AFG2A: variants seen among roughly 807,000 people sequenced by gnomAD.
AFG2A encodes ATPase family gene 2 protein homolog A.
the AFG2A span, among the ~76,000 whole-genome samples, chr4:123,119,813 A>C: frequency 6.6e-6 from 1 of 152,174 alleles, no homozygotes; most frequent in Non-Finnish European, 1.5e-5. Context: ...GTAATTTATA[A>C]AGGAAAGAGG....
the AFG2A span, among the ~76,000 whole-genome samples, chr4:123,042,133 C>T: frequency 6.6e-6 from 1 of 152,176 alleles, no homozygotes; most frequent in Non-Finnish European, 1.5e-5. Flanking sequence ...TTTGAAGCAG[C>T]ATTGTGAAGG....
chr4:123,091,100 C>T, the AFG2A span, among the ~76,000 whole-genome samples: 1 of 152,216 alleles, frequency 6.6e-6, no homozygotes, highest in South Asian at 2.1e-4. Flanking sequence ...GTATGTGAGA[C>T]TCACTGGGCT....
At chr4:123,239,747 G>A in the AFG2A span, among the ~76,000 whole-genome samples, 4 of 152,130 alleles carry the variant, frequency 2.6e-5, no homozygotes, top group African/African-American at 7.2e-5. Flanking sequence ...AAAGACCATC[G>A]ATGCTTTGAA....
chr4:123,161,287 GAACCTA>G, the AFG2A span, among the ~76,000 whole-genome samples: 1 of 152,078 alleles, frequency 6.6e-6, no homozygotes, highest in Admixed American at 6.6e-5. Flanking sequence ...CTCAAAATTA[GAACCTA>G]ATAGGAAGCT....
chr4:123,043,124 T>G, the AFG2A span, among the ~76,000 whole-genome samples: 1 of 152,190 alleles, frequency 6.6e-6, no homozygotes, highest in African/African-American at 2.4e-5. Flanking sequence ...GTCCTCACCT[T>G]TCATTTTTAA....
chr4:123,248,162 A>C, the AFG2A span, among the ~76,000 whole-genome samples: 1 of 152,230 alleles, frequency 6.6e-6, no homozygotes, highest in East Asian at 1.9e-4. Flanking sequence ...ATTTTATATA[A>C]AATCTGTTTT....
the AFG2A span, among the ~76,000 whole-genome samples, chr4:123,233,817 T>G: frequency 5.9e-5 from 9 of 152,100 alleles, no homozygotes; most frequent in East Asian, 1.5e-3. Context: ...GAAAATACTT[T>G]CCAAGACTTT....
the AFG2A span, among the ~76,000 whole-genome samples, chr4:123,147,369 C>T: frequency 3.9e-5 from 6 of 152,070 alleles, no homozygotes; most frequent in East Asian, 9.7e-4. Context: ...ACAGGTATTA[C>T]GTTTGAGAGA....
chr4:123,059,219 T>A, the AFG2A span, among the ~76,000 whole-genome samples: 1 of 151,292 alleles, frequency 6.6e-6, no homozygotes, highest in East Asian at 1.9e-4. Context: ...TAGTTACATA[T>A]GTATACATAT....
At chr4:123,016,326 G>A in the AFG2A span, among the ~76,000 whole-genome samples, 2 of 150,846 alleles carry the variant, frequency 1.3e-5, no homozygotes, top group Non-Finnish European at 3.0e-5. Context: ...CTTCCTAGAC[G>A]GGGTGGCTGC....
chr4:123,028,893 T>C, the AFG2A span, among the ~76,000 whole-genome samples: 30 of 152,330 alleles, frequency 2.0e-4, no homozygotes, highest in Middle Eastern at 6.8e-3. Context: ...GTTCATTGCT[T>C]CGCCCCGATT....
chr4:122,944,823 G>A, the AFG2A span, among the ~76,000 whole-genome samples: 1 of 152,178 alleles, frequency 6.6e-6, no homozygotes, highest in Middle Eastern at 3.4e-3. Context: ...TGGTGTGGAT[G>A]TCCTTTCTGT....
chr4:123,295,519 C>G, the AFG2A span, among the ~76,000 whole-genome samples: 1 of 152,238 alleles, frequency 6.6e-6, no homozygotes, highest in African/African-American at 2.4e-5. Flanking sequence ...AGAAATAGCT[C>G]TCTATATAGC....
the AFG2A span, among the ~76,000 whole-genome samples, chr4:123,209,273 A>G: frequency 6.6e-6 from 1 of 152,150 alleles, no homozygotes; most frequent in Non-Finnish European, 1.5e-5. Context: ...CTAGGTAGAC[A>G]GTTTCAGAAC....
At chr4:123,164,265 A>G in the AFG2A span, among the ~76,000 whole-genome samples, 1 of 152,102 alleles carries the variant, frequency 6.6e-6, no homozygotes, top group Non-Finnish European at 1.5e-5. Flanking sequence ...CTTACTTTGT[A>G]TTTTGAGTTA....
chr4:123,074,592 A>G, the AFG2A span, among the ~76,000 whole-genome samples: 21,863 of 151,998 alleles, frequency 0.14, 2,023 homozygotes, highest in East Asian at 0.45. Context: ...TTTTAGGTTT[A>G]GGATTTCCCT....
At chr4:123,032,190 G>A in the AFG2A span, among the ~76,000 whole-genome samples, 1 of 151,914 alleles carries the variant, frequency 6.6e-6, no homozygotes, top group Admixed American at 6.6e-5. Context: ...TGACTTTTTG[G>A]GAAATTTTCT....
the AFG2A span, among the ~76,000 whole-genome samples, chr4:123,241,161 G>T: frequency 6.6e-6 from 1 of 152,108 alleles, no homozygotes. Flanking sequence ...AACCAAAAAA[G>T]TCCAGGACCA....
the AFG2A span, chr4:122,923,358 C>T: frequency 1.2e-6 from 2 of 1,605,930 alleles, no homozygotes; most frequent in East Asian, 4.5e-5. Context: ...ACCTGAGGGG[C>T]GGGAGACTCA....
Sources: allele counts gnomAD v4.1 joint callset (sites outside exome capture counted in the v4.1 genomes callset), GRCh38; gene constraint gnomAD v4.1.1; transcripts MANE v1.5; gene names NCBI Gene and HGNC (gene_info 2026-07-23, HGNC 2026-07-21).